ARHGAP18: variants seen among roughly 807,000 people sequenced by gnomAD.
ARHGAP18 encodes rho GTPase-activating protein 18.
In ARHGAP18, 67 loss-of-function variants were observed where a neutral mutation model predicts 86.2. That is an observed-to-expected ratio of 0.78 (90% confidence interval 0.64 to 0.95). The LOEUF is 0.95. Among genes scored for constraint, ARHGAP18 ranks in the 40% least tolerant of loss-of-function variants. The pLI is 0.00. For synonymous variants in ARHGAP18, 283 were observed against 280.4 expected (o/e 1.01, Z -0.09); for missense variants, 691 against 780.4 (o/e 0.89, Z 1.37).
At position 129,638,559 on chromosome 6, in the gene ARHGAP18, A is replaced by C. The variant is rs760205913; in HGVS notation, c.387T>G (p.Asp129Glu). 2 of 1,614,102 alleles carry C rather than the reference A, an allele frequency of 1.2e-6. No homozygotes were observed. Among genetic ancestry groups the C allele is most frequent in the African/African-American group, 1.3e-5 (1 of 75,012 alleles). Residue 129 changes from aspartate (D) to glutamate (E), a missense_variant, in exon 3 of 15, where the codon GAT (aspartate) becomes GAG (glutamate). Asp to Glu is a conservative substitution (Grantham distance 45). Transcript: ENST00000368149. ...ATAAAAACACAATGCTTTCCTGTGG[A>C]TCTCCAGCAGACTCTCCGAAGAGAT... ...LSNLFGESAGDPQESIVFLST... is the reference protein window; with the variant it reads ...LSNLFGESAGEPQESIVFLST...
intron 1 of ARHGAP18, among the ~76,000 whole-genome samples, chr6:129,695,793 T>C (rs1774605420): frequency 6.6e-6 from 1 of 150,798 alleles, no homozygotes; most frequent in African/African-American, 2.4e-5. Flanking sequence ...TAAAGAAATA[T>C]AAACGTGTTC....
intron 9 of ARHGAP18, 60 bp from the exon 10 acceptor site, chr6:129,606,019 A>T (rs1788846718): frequency 1.3e-6 from 2 of 1,523,462 alleles, no homozygotes; most frequent in East Asian, 2.3e-5. Flanking sequence ...CCTTTACTTT[A>T]TTTTTTCACT....
chr6:129,680,803 A>G (rs960026097), intron 1 of ARHGAP18, among the ~76,000 whole-genome samples: 1 of 152,268 alleles, frequency 6.6e-6, no homozygotes, highest in Non-Finnish European at 1.5e-5. Context: ...AGAGCCTAAA[A>G]GCCTAAAGGC....
At chr6:129,685,465 C>T (rs933996563) in intron 1 of ARHGAP18, among the ~76,000 whole-genome samples, 1 of 151,586 alleles carries the variant, frequency 6.6e-6, no homozygotes, top group Admixed American at 6.6e-5. Flanking sequence ...TGAGATCACA[C>T]CACTGCACTC....
At chr6:129,656,445 A>G (rs1773838455) in intron 1 of ARHGAP18, among the ~76,000 whole-genome samples, 1 of 152,206 alleles carries the variant, frequency 6.6e-6, no homozygotes, top group Non-Finnish European at 1.5e-5. Flanking sequence ...GTTCAAGACC[A>G]GCTAGGCCAA....
chr6:129,580,684 G>A (rs1788269693), intron 13 of ARHGAP18, among the ~76,000 whole-genome samples: 1 of 152,070 alleles, frequency 6.6e-6, no homozygotes, highest in Admixed American at 6.6e-5. Context: ...CCCAGTCTGG[G>A]CAACATGGCA....
chr6:129,670,688 CT>C (rs11350669), intron 1 of ARHGAP18, among the ~76,000 whole-genome samples: 45,953 of 137,840 alleles, frequency 0.33, 7,765 homozygotes, highest in African/African-American at 0.42. Flanking sequence ...AGTCGTAACT[CT>C]TTTTTTTTTT....
intron 1 of ARHGAP18, among the ~76,000 whole-genome samples, chr6:129,669,413 CCGCCCACCT>C (rs1380854309): frequency 6.6e-6 from 1 of 151,576 alleles, no homozygotes; most frequent in Non-Finnish European, 1.5e-5. Context: ...ATCTTGTAAT[CCGCCCACCT>C]CGGCTTCCCA....
At chr6:129,624,762 T>A (rs1789305264) in intron 5 of ARHGAP18, among the ~76,000 whole-genome samples, 1 of 151,064 alleles carries the variant, frequency 6.6e-6, no homozygotes, top group African/African-American at 2.4e-5. Context: ...CTGGCCAAGA[T>A]GGTGAAACCC....
rs1773283597 is a variant in ARHGAP18 at position 129,634,240 on chromosome 6, G to T, written c.553-135C>A. The T allele has an allele frequency of 1.1e-5, 7 of 647,084 alleles. 1 individual carries two copies. In the South Asian group the frequency reaches 1.3e-4, roughly 12 times the overall value. 40.1% of individuals were successfully genotyped at this position (647,084 alleles called of 1,614,324 possible). ...TTATAACAATCACAGTGAAAAAGGG[G>T]CACTAAGATAATAATCAACAAGCAA... On this transcript the variant is annotated intron_variant, in intron 3 of 14. Transcript: ENST00000368149.
chr6:129,589,281 G>A (rs1788463975), intron 12 of ARHGAP18, among the ~76,000 whole-genome samples: 1 of 152,042 alleles, frequency 6.6e-6, no homozygotes, highest in South Asian at 2.1e-4. Context: ...ATGCTTTGCC[G>A]CTTAGAAATT....
At chr6:129,707,464 TTTTA>T (rs1440247932) in intron 1 of ARHGAP18, among the ~76,000 whole-genome samples, 1 of 151,776 alleles carries the variant, frequency 6.6e-6, no homozygotes, top group Non-Finnish European at 1.5e-5. Context: ...AGCTTTTATT[TTTTA>T]TTTATTTATT....
chr6:129,705,823 A>T (rs974513616), intron 1 of ARHGAP18, among the ~76,000 whole-genome samples: 2 of 152,162 alleles, frequency 1.3e-5, no homozygotes, highest in Non-Finnish European at 1.5e-5. Context: ...TATGAAGTTC[A>T]ATTTATGGGT....
intron 1 of ARHGAP18, among the ~76,000 whole-genome samples, chr6:129,704,915 C>T (rs1176972837): frequency 6.6e-6 from 1 of 152,184 alleles, no homozygotes; most frequent in Non-Finnish European, 1.5e-5. Flanking sequence ...CTTATCCTGA[C>T]CCCTGCAGTC....
chr6:129,590,608 C>G (rs544569482), intron 12 of ARHGAP18, among the ~76,000 whole-genome samples: 1 of 152,114 alleles, frequency 6.6e-6, no homozygotes, highest in Non-Finnish European at 1.5e-5. Context: ...GTTAAGCCAC[C>G]TTTGAGCTCA....
At chr6:129,699,122 G>A (rs1774670720) in intron 1 of ARHGAP18, among the ~76,000 whole-genome samples, 1 of 152,112 alleles carries the variant, frequency 6.6e-6, no homozygotes, top group Non-Finnish European at 1.5e-5. Context: ...ACAGGCATGA[G>A]CCACCACACC....
At chr6:129,685,468 C>T (rs1181463494) in intron 1 of ARHGAP18, among the ~76,000 whole-genome samples, 1 of 151,888 alleles carries the variant, frequency 6.6e-6, no homozygotes, top group South Asian at 2.1e-4. Context: ...GATCACACCA[C>T]TGCACTCCAC....
In ARHGAP18 at chr6:129,578,398, A is replaced by C; in HGVS notation, c.*115T>G. 1.6e-6 allele frequency: 1 copy of C among 643,508 alleles called. No homozygotes were observed. The highest frequency in any genetic ancestry group is 3.4e-5 in the South Asian group (1 of 29,132). The allele number at this position is 643,508 out of a possible 1,614,324, so 39.9% of individuals were successfully genotyped here. On this transcript the variant is annotated 3_prime_UTR_variant, in exon 15 of 15. Transcript: ENST00000368149. ...TTTAAGGCTTAAGAGAGTCATTTTTAAATACTTGGGTACAACTGAATAATA... is the reference window on the plus strand; with the variant it reads ...TTTAAGGCTTAAGAGAGTCATTTTTCAATACTTGGGTACAACTGAATAATA...
intron 1 of ARHGAP18, among the ~76,000 whole-genome samples, chr6:129,651,476 C>G (rs1235289649): frequency 2.0e-5 from 3 of 151,990 alleles, no homozygotes; most frequent in Non-Finnish European, 2.9e-5. Context: ...TGGTTGGGTG[C>G]CTTATCACAG....
Sources: gnomAD v4.1 joint callset for allele counts (sites outside exome capture counted in the v4.1 genomes callset) on GRCh38, gnomAD v4.1.1 for gene constraint, MANE v1.5 for transcripts, NCBI Gene and HGNC (gene_info 2026-07-23, HGNC 2026-07-21) for gene names.